The following CXCL13 variants were observed in gnomAD, a reference collection of about 807,000 sequenced individuals.
CXCL13 encodes the protein C-X-C motif chemokine ligand 13, also known as C-X-C motif chemokine 13.
In CXCL13, 7 loss-of-function variants were observed where a neutral mutation model predicts 12.2. The ratio of observed to expected loss-of-function variants is 0.57; its 90% CI spans 0.33 to 1.07. The LOEUF (loss-of-function observed/expected upper bound fraction) is 1.07. Among genes scored for constraint, CXCL13 ranks in the 50% least tolerant of loss-of-function variants. The pLI is 0.04. For missense variants in CXCL13, 113 were observed against 127.4 expected, an observed-to-expected ratio of 0.89 and a Z score of 0.55; for synonymous variants, 47 against 42.4, an observed-to-expected ratio of 1.11 and a Z score of -0.42.
At chr4:77,566,719 C>T (rs1041263836) in intron 1 of CXCL13, among the ~76,000 whole-genome samples, 1 of 152,126 alleles carries the variant, frequency 6.6e-6, no homozygotes, top group African/African-American at 2.4e-5. Flanking sequence ...GAGTGCATTT[C>T]CTTGGCCCTT....
At chr4:77,530,176 GC>G (rs1724871150) in intron 1 of CXCL13, among the ~76,000 whole-genome samples, 2 of 152,158 alleles carry the variant, frequency 1.3e-5, no homozygotes, top group Admixed American at 6.5e-5. Flanking sequence ...GATTCAGTTT[GC>G]CAGTATTTTA....
At chr4:77,546,197 G>T (rs1005626610) in intron 1 of CXCL13, among the ~76,000 whole-genome samples, 2 of 152,172 alleles carry the variant, frequency 1.3e-5, no homozygotes, top group Non-Finnish European at 1.5e-5. Flanking sequence ...ACTGATATTG[G>T]TCTAAAATTC....
At chr4:77,594,981 A>G (rs1726713548) in intron 1 of CXCL13, among the ~76,000 whole-genome samples, 1 of 152,130 alleles carries the variant, frequency 6.6e-6, no homozygotes, top group South Asian at 2.1e-4. Flanking sequence ...AAAATTGGCC[A>G]CGGTAAGAGT....
upstream of CXCL13, among the ~76,000 whole-genome samples, chr4:77,604,406 A>G (rs548430656): frequency 7.9e-5 from 12 of 152,278 alleles, 1 homozygote; most frequent in South Asian, 2.5e-3. Flanking sequence ...TGTCCATCTC[A>G]GCATCTGCTT....
intron 1 of CXCL13, among the ~76,000 whole-genome samples, chr4:77,550,744 G>A (rs1725497409): frequency 6.6e-6 from 1 of 152,116 alleles, no homozygotes; most frequent in Admixed American, 6.6e-5. Flanking sequence ...TTGTGTCTAT[G>A]TCTAAGTCTT....
rs180696603 is a variant in CXCL13 at position 77,524,287 on chromosome 4, G to A, written c.-43+12499G>A. 2.8e-3 allele frequency among the ~76,000 whole-genome samples: 426 copies of A among 152,326 alleles called. 4 individuals carry two copies. The highest frequency in any genetic ancestry group is 1.0e-2 in the African/African-American group (415 of 41,582). On this transcript the variant is annotated intron_variant, in intron 1 of 4. Coordinates refer to the CXCL13 transcript ENST00000286758. Reference sequence around the variant, plus strand: ...AGAGAAGGCAGACCAGGATGTTTAAGTCTGCAGAAGTTTCTGCTGCCTTTT... The same window carrying A: ...AGAGAAGGCAGACCAGGATGTTTAAATCTGCAGAAGTTTCTGCTGCCTTTT...
At chr4:77,542,342 G>A (rs1725224687) in intron 1 of CXCL13, among the ~76,000 whole-genome samples, 1 of 152,082 alleles carries the variant, frequency 6.6e-6, no homozygotes, top group Admixed American at 6.6e-5. Context: ...GTTGGCTACG[G>A]GTTTGTCATA....
At chr4:77,538,557 T>C (rs1725121712) in intron 1 of CXCL13, among the ~76,000 whole-genome samples, 1 of 152,010 alleles carries the variant, frequency 6.6e-6, no homozygotes, top group Admixed American at 6.6e-5. Flanking sequence ...GGCTGGCTAA[T>C]TTGAAGAGAA....
chr4:77,531,652 A>T (rs182190040), intron 1 of CXCL13, among the ~76,000 whole-genome samples: 50 of 152,238 alleles, frequency 3.3e-4, no homozygotes, highest in Middle Eastern at 3.4e-3. Context: ...GGGGTATTAA[A>T]GTCTCCCATT....
chr4:77,532,570 T>C (rs1724954755), intron 1 of CXCL13, among the ~76,000 whole-genome samples: 1 of 152,186 alleles, frequency 6.6e-6, no homozygotes, highest in African/African-American at 2.4e-5. Flanking sequence ...TTCTCCGTAT[T>C]TCCTGAATTT....
Position 77,545,650 on chromosome 4 carries a change from G to C in CXCL13, c.-43+33862G>C, listed in dbSNP as rs573702689. 8.2e-4 allele frequency among the ~76,000 whole-genome samples: 125 copies of C among 152,298 alleles called. 1 individual carries two copies. Among genetic ancestry groups the C allele is most frequent in the African/African-American group, 2.8e-3 (116 of 41,570 alleles). ...TATCAGCTTAAGGAGATTTTGGGCT[G>C]AGATGACGGGGTTTTCTAAATATAC... On this transcript the variant is annotated intron_variant, in intron 1 of 4. Transcript: ENST00000286758.
intron 1 of CXCL13, among the ~76,000 whole-genome samples, chr4:77,543,934 TCC>T (rs1725284376): frequency 3.9e-5 from 6 of 152,100 alleles, no homozygotes; most frequent in Admixed American, 3.9e-4. Context: ...TGTGTGATGT[TCC>T]CCACCCTGTG....
At chr4:77,537,404 T>A (rs1400729798) in intron 1 of CXCL13, among the ~76,000 whole-genome samples, 1 of 152,166 alleles carries the variant, frequency 6.6e-6, no homozygotes, top group Admixed American at 6.5e-5. Context: ...ACCTCCAGCT[T>A]GTTGTCAGAG....
intron 1 of CXCL13, among the ~76,000 whole-genome samples, chr4:77,548,590 A>G (rs1450907457): frequency 6.6e-6 from 1 of 152,226 alleles, no homozygotes; most frequent in Admixed American, 6.5e-5. Flanking sequence ...CAGTGAATAC[A>G]AGTGAGTACT....
intron 1 of CXCL13, among the ~76,000 whole-genome samples, chr4:77,545,671 T>C (rs1725344220): frequency 6.6e-6 from 1 of 152,192 alleles, no homozygotes; most frequent in African/African-American, 2.4e-5. Flanking sequence ...GTTTTCTAAA[T>C]ATACAATCAC....
intron 1 of CXCL13, among the ~76,000 whole-genome samples, chr4:77,512,742 C>G (rs1724306245): frequency 6.6e-6 from 1 of 152,074 alleles, no homozygotes; most frequent in Non-Finnish European, 1.5e-5. Context: ...TGGAAGGACA[C>G]AATTTAACCC....
chr4:77,569,212 G>T (rs1388292701), intron 1 of CXCL13, among the ~76,000 whole-genome samples: 1 of 152,254 alleles, frequency 6.6e-6, no homozygotes, highest in South Asian at 2.1e-4. Context: ...TACAAGACAA[G>T]GATACCTTCT....
intron 1 of CXCL13, among the ~76,000 whole-genome samples, chr4:77,606,609 A>T (rs1727009476): frequency 6.6e-6 from 1 of 152,186 alleles, no homozygotes; most frequent in Non-Finnish European, 1.5e-5. Context: ...TTTGCTTCAC[A>T]TGTTATTTTC....
At chr4:77,541,287 G>A (rs1451764900) in intron 1 of CXCL13, among the ~76,000 whole-genome samples, 2 of 152,180 alleles carry the variant, frequency 1.3e-5, no homozygotes, top group East Asian at 1.9e-4. Context: ...TTTTATTTTT[G>A]TTTCAATTGC....
Sources: allele counts gnomAD v4.1 joint callset (sites outside exome capture counted in the v4.1 genomes callset), GRCh38; gene constraint gnomAD v4.1.1; transcripts MANE v1.5; gene names NCBI Gene and HGNC (gene_info 2026-07-23, HGNC 2026-07-21).